Variants in DRC7 observed in about 807,000 individuals in gnomAD.
The protein encoded by DRC7 is coiled-coil domain containing 135.
A neutral mutation model predicts 104.4 loss-of-function variants in DRC7; 80 were observed. That is an observed-to-expected ratio of 0.77 (90% CI 0.64 to 0.92). The LOEUF (loss-of-function observed/expected upper bound fraction) is 0.92, where lower values mean the gene tolerates loss of function less well. Ranked by LOEUF, DRC7 falls within the 40% of genes least tolerant of loss-of-function variation. DRC7 has a pLI of 0.00. For missense variants in DRC7, 1,034 were observed against 1,141.1 expected, an observed-to-expected ratio of 0.91 and a Z score of 1.35; for synonymous variants, 405 against 447.3, an observed-to-expected ratio of 0.91 and a Z score of 1.19.
rs748871738 is a variant in DRC7 at position 57,701,917 on chromosome 16, A to G, written c.505-19A>G. 22 of 1,608,066 alleles carry G rather than the reference A, an allele frequency of 1.4e-5. No homozygotes were observed. Among genetic ancestry groups the G allele is most frequent in the Non-Finnish European group, 1.9e-5 (22 of 1,176,354 alleles). ...GGGCAGCGGGGCCCCAGCTGTGCTG[A>G]CCGTCCCACTGTGACCAGCCCTCGC... On this transcript the variant is annotated intron_variant, in intron 5 of 18. Transcript: ENST00000360716.
At chr16:57,704,341 T>C (rs2048689454) in intron 6 of DRC7, among the ~76,000 whole-genome samples, 1 of 151,746 alleles carries the variant, frequency 6.6e-6, no homozygotes, top group Non-Finnish European at 1.5e-5. Flanking sequence ...GGAATACTTC[T>C]TGCCACTTAG....
At chr16:57,726,685 T>A (rs1219959019) in intron 14 of DRC7, 147 bp from the exon 15 acceptor site, 1 of 582,200 alleles carries the variant, frequency 1.7e-6, no homozygotes, top group Non-Finnish European at 3.1e-6. Flanking sequence ...TGTATTTTTA[T>A]AAGTGAGAAA....
intron 8 of DRC7, among the ~76,000 whole-genome samples, chr16:57,716,981 AC>A (rs1389796685): frequency 6.6e-6 from 1 of 151,844 alleles, no homozygotes; most frequent in East Asian, 2.0e-4. Context: ...ACATGGTGAA[AC>A]CCTGTCTCTA....
At chr16:57,695,581 C>G (rs1475918152) in intron 1 of DRC7, among the ~76,000 whole-genome samples, 1 of 152,206 alleles carries the variant, frequency 6.6e-6, no homozygotes, top group African/African-American at 2.4e-5. Context: ...AAGAGGCCAA[C>G]AAATGGATCT....
intron 6 of DRC7, among the ~76,000 whole-genome samples, chr16:57,702,437 T>C (rs1218025103): frequency 1.3e-5 from 2 of 152,172 alleles, no homozygotes; most frequent in African/African-American, 4.8e-5. Flanking sequence ...CCACATAGCT[T>C]ATATCTTAAG....
At chr16:57,703,173 C>G (rs1187163515) in intron 6 of DRC7, among the ~76,000 whole-genome samples, 2 of 147,420 alleles carry the variant, frequency 1.4e-5, no homozygotes, top group Non-Finnish European at 3.0e-5. Flanking sequence ...GCCACCGTGC[C>G]TGGCCCTCAA....
chr16:57,723,202 T>C, intron 12 of DRC7, 72 bp downstream of exon 12: 3 of 1,552,952 alleles, frequency 1.9e-6, no homozygotes, highest in Non-Finnish European at 2.6e-6. Flanking sequence ...TGGCAGGTGG[T>C]ATGTGGTGGC....
chr16:57,703,200 C>CAAAA (rs71152293), intron 6 of DRC7, among the ~76,000 whole-genome samples: 7 of 62,922 alleles, frequency 1.1e-4, no homozygotes, highest in South Asian at 6.9e-4. Context: ...TTTTTAATAG[C>CAAAA]AAAAAAAAAA....
intron 14 of DRC7, 185 bp downstream of exon 14, chr16:57,726,468 A>G (rs2148771502): frequency 3.3e-6 from 2 of 614,894 alleles, no homozygotes; most frequent in Non-Finnish European, 5.7e-6. Context: ...CTCCTCTGAA[A>G]ATCTTCCTTT....
At chr16:57,705,550 ATC>A in intron 7 of DRC7, among the ~76,000 whole-genome samples, 1 of 125,256 alleles carries the variant, frequency 8.0e-6, no homozygotes, top group Non-Finnish European at 1.7e-5. Context: ...CCTCCCATCC[ATC>A]TGTCCTCCCA....
intron 6 of DRC7, 41 bp from the exon 7 acceptor site, chr16:57,704,835 G>T: frequency 5.0e-6 from 8 of 1,604,380 alleles, no homozygotes; most frequent in Non-Finnish European, 6.8e-6. Context: ...GTAAAGGGGG[G>T]ATGCAGGGCC....
At position 57,701,938 on chromosome 16, in the gene DRC7, C is replaced by G. The variant is rs2048662668; in HGVS notation, c.507C>G (p.Pro169=). 1 of 1,613,558 alleles carries G rather than the reference C, an allele frequency of 6.2e-7. No homozygotes were observed. ...MVPLPDPLKP[P]SHLYSSTTVL... The stretch of plus-strand genomic sequence containing the variant: ...GCTGACCGTCCCACTGTGACCAGCC[C>G]TCGCACCTGTACTCCTCGACCACTG... Residue 169 remains proline (P), a splice_region_variant and synonymous_variant, in exon 6 of 19, where the codon CCC becomes CCG. Coordinates refer to ENST00000360716, the MANE Select transcript of DRC7 (RefSeq NM_001289162.2).
At chr16:57,710,019 C>A (rs2048776993) in intron 8 of DRC7, among the ~76,000 whole-genome samples, 1 of 152,114 alleles carries the variant, frequency 6.6e-6, no homozygotes, top group African/African-American at 2.4e-5. Context: ...ACCTTGGCCT[C>A]CAAAAGTGCT....
Position 57,728,544 on chromosome 16 carries a change from T to C in DRC7, c.2351T>C (p.Leu784Pro), listed in dbSNP as rs1331710035. 1 of 1,610,190 alleles carries C rather than the reference T, an allele frequency of 6.2e-7. No homozygotes were observed. Among genetic ancestry groups the C allele is most frequent in the Non-Finnish European group, 8.5e-7 (1 of 1,178,624 alleles). ...TGCCTCAGCGACTTCAAGCAGCGGC[T>C]CATCAACAAGGCCAACCTCATCCAG... ...DECLSDFKQR[L>P]INKANLIQAR... Residue 784 changes from leucine (L) to proline (P), a missense_variant, in exon 17 of 19, where the codon CTC becomes CCC. Transcript: ENST00000360716.
At chr16:57,701,043 T>C (rs374274101) in intron 5 of DRC7, among the ~76,000 whole-genome samples, 1 of 152,190 alleles carries the variant, frequency 6.6e-6, no homozygotes, top group Non-Finnish European at 1.5e-5. Context: ...TTTTGCAGAC[T>C]AGTAAACTTT....
intron 6 of DRC7, among the ~76,000 whole-genome samples, chr16:57,704,187 TGAAATCAAAAGGTAACATA>T (rs2048688060): frequency 6.6e-6 from 1 of 152,020 alleles, no homozygotes; most frequent in African/African-American, 2.4e-5. Context: ...AGTATGTTGA[TGAAATCAAAAGGTAACATA>T]ATGTGGCCAA....
rs532549050 is a variant in DRC7, at chr16:57,723,007, A to G, written c.1414A>G (p.Asn472Asp). Residue 472 changes from asparagine (N) to aspartate (D), a missense_variant, in exon 12 of 19, where the codon AAT becomes GAT. Transcript: ENST00000360716. ...AGTGTCCATCGGCCCCACAGGTACC[A>G]ATATTTTGGAGATAAAGGAGTGGTA... Reference protein sequence around the residue: ...LTTYEDLQCTNILEIKEWYQN... With the variant: ...LTTYEDLQCTDILEIKEWYQN... 2.9e-4 allele frequency: 474 copies of G among 1,613,822 alleles called. 7 individuals carry two copies. In the South Asian group the frequency reaches 4.9e-3, roughly 17 times the overall value.
At chr16:57,703,699 T>C (rs114723111) in intron 6 of DRC7, among the ~76,000 whole-genome samples, 1,771 of 152,248 alleles carry the variant, frequency 0.012, 29 homozygotes, top group African/African-American at 0.04. Flanking sequence ...GTGGCTCATT[T>C]TGGGAGGCTG....
At chr16:57,722,883 G>GTT in intron 11 of DRC7, 42 bp downstream of exon 11, 4 of 1,612,690 alleles carry the variant, frequency 2.5e-6, no homozygotes, top group Middle Eastern at 3.3e-4. Context: ...GCCAGCCCAG[G>GTT]GGCGGGGGCG....
Sources: allele counts gnomAD v4.1 joint callset (sites outside exome capture counted in the v4.1 genomes callset), GRCh38; gene constraint gnomAD v4.1.1; transcripts MANE v1.5; gene names NCBI Gene and HGNC (gene_info 2026-07-23, HGNC 2026-07-21).